The following ADAM12 variants were observed in gnomAD, a reference collection of about 807,000 sequenced individuals.
The protein encoded by ADAM12 is disintegrin and metalloproteinase domain-containing protein 12.
A neutral mutation model predicts 106.4 loss-of-function variants in ADAM12; 70 were observed. That is an observed-to-expected ratio of 0.66 (90% CI 0.54 to 0.80). The LOEUF (loss-of-function observed/expected upper bound fraction) is 0.80, where lower values mean the gene tolerates loss of function less well. ADAM12 is among the 30% of genes least tolerant of loss of function. The pLI, the probability that ADAM12 is intolerant of heterozygous loss-of-function variation, is 0.00. For synonymous variants in ADAM12, 420 were observed against 433.5 expected, an observed-to-expected ratio of 0.97 and a Z score of 0.39; for missense variants, 1,010 against 1,171.9, an observed-to-expected ratio of 0.86 and a Z score of 2.02.
intron 1 of ADAM12, among the ~76,000 whole-genome samples, chr10:126,357,228 T>C (rs983116549): frequency 2.6e-5 from 4 of 152,012 alleles, no homozygotes; most frequent in Non-Finnish European, 5.9e-5. Context: ...AAATACTTTA[T>C]ATACAAAGAA....
At position 126,023,675 on chromosome 10, in the gene ADAM12, C is replaced by G. The variant is rs1953812877; in HGVS notation, c.2530-3850G>C. Among the ~76,000 whole-genome samples, 3 of 152,238 alleles carry G rather than the reference C, an allele frequency of 2.0e-5. No individual in the cohort carries two copies. The South Asian group carries it at 6.2e-4, about 31-fold the overall frequency. ...CCAGGATACTACAAGGAGCATTCTT[C>G]TGGTGCTGGACAGACCGAGGGAGAA... On this transcript the variant is annotated intron_variant, in intron 21 of 22. Coordinates refer to ENST00000448723, the MANE Select transcript of ADAM12 (RefSeq NM_001288973.2).
intron 3 of ADAM12, among the ~76,000 whole-genome samples, chr10:126,277,446 C>A (rs1252130460): frequency 6.6e-6 from 1 of 152,038 alleles, no homozygotes; most frequent in African/African-American, 2.4e-5. Flanking sequence ...CCACAACAAC[C>A]CCATCGAGAA....
chr10:126,074,691 C>T (rs1429158588), intron 11 of ADAM12, among the ~76,000 whole-genome samples: 1 of 152,182 alleles, frequency 6.6e-6, no homozygotes, highest in African/African-American at 2.4e-5. Context: ...ATCATGCATA[C>T]ATAAATGGTC....
intron 3 of ADAM12, among the ~76,000 whole-genome samples, chr10:126,241,940 G>T (rs887376887): frequency 1.3e-4 from 19 of 151,614 alleles, no homozygotes; most frequent in African/African-American, 4.4e-4. Context: ...AGAGCTAGTG[G>T]GGTACACTTT....
At position 126,109,817 on chromosome 10, in the gene ADAM12, T is replaced by G. The variant is rs758303584; in HGVS notation, c.627A>C (p.Ala209=). Residue 209 remains alanine (A), a synonymous_variant, in exon 7 of 23, where the codon GCA becomes GCC. Coordinates refer to ENST00000448723, the MANE Select transcript of ADAM12 (RefSeq NM_001288973.2). ...ARRHKRETLK[A]TKYVELVIVA... is the part of the protein sequence containing the mutation. ...CGATCACCAGCTCCACATACTTAGTTGCCTTGAGGGTCTCTCTTTTATGCT... is the reference window on the plus strand; with the variant it reads ...CGATCACCAGCTCCACATACTTAGTGGCCTTGAGGGTCTCTCTTTTATGCT... 1.4e-5 allele frequency: 22 copies of G among 1,613,102 alleles called. No individual in the cohort carries two copies. Among genetic ancestry groups the G allele is most frequent in the Non-Finnish European group, 1.8e-5 (21 of 1,179,830 alleles).
intron 2 of ADAM12, among the ~76,000 whole-genome samples, chr10:126,310,525 G>A (rs989800429): frequency 1.3e-5 from 2 of 152,178 alleles, no homozygotes; most frequent in East Asian, 1.9e-4. Flanking sequence ...GAACCAGGCT[G>A]CAATAGTTAC....
chr10:126,335,338 G>GA (rs1212633606), intron 1 of ADAM12, among the ~76,000 whole-genome samples: 2 of 152,190 alleles, frequency 1.3e-5, no homozygotes, highest in Non-Finnish European at 2.9e-5. Flanking sequence ...TTAAAATGGA[G>GA]AATCAATCTG....
At chr10:126,019,551 T>A in intron 22 of ADAM12, 144 bp downstream of exon 22, 1 of 1,085,736 alleles carries the variant, frequency 9.2e-7, no homozygotes, top group Non-Finnish European at 1.3e-6. Flanking sequence ...GTAATTGTCA[T>A]GTCTATTTTA....
rs867730527 is a variant in ADAM12, at chr10:126,217,991, G to A, written c.260+60924C>T. On this transcript the variant is annotated intron_variant, in intron 3 of 22. Coordinates refer to ENST00000448723, the MANE Select transcript of ADAM12 (RefSeq NM_001288973.2). ...CTCTGTCTCTCAAAAAAAAAAAAAA[G>A]ATTACACTATTTTCTAATTGGAAAT... is the stretch of plus-strand genomic sequence containing the variant. Among the ~76,000 whole-genome samples the A allele has an allele frequency of 6.2e-4, 93 of 150,258 alleles. 2 individuals are homozygous for A. Among genetic ancestry groups the A allele is most frequent in the Admixed American group, 2.9e-3 (43 of 15,004 alleles).
intron 4 of ADAM12, among the ~76,000 whole-genome samples, chr10:126,139,203 T>C (rs1011772629): frequency 2.0e-5 from 3 of 152,218 alleles, no homozygotes; most frequent in Middle Eastern, 3.2e-3. Context: ...TGCCTATTCA[T>C]GTACATGGCA....
At chr10:126,342,386 C>T (rs895254896) in intron 1 of ADAM12, among the ~76,000 whole-genome samples, 14 of 152,200 alleles carry the variant, frequency 9.2e-5, no homozygotes, top group African/African-American at 3.4e-4. Context: ...ACTATTACAA[C>T]TTAGAATTAG....
chr10:126,337,060 A>G (rs1046553541), intron 1 of ADAM12, among the ~76,000 whole-genome samples: 1 of 152,202 alleles, frequency 6.6e-6, no homozygotes, highest in African/African-American at 2.4e-5. Flanking sequence ...AACCAACAGA[A>G]TATGTGTATA....
intron 3 of ADAM12, among the ~76,000 whole-genome samples, chr10:126,198,055 G>A (rs112675454): frequency 6.0e-4 from 91 of 152,330 alleles, no homozygotes; most frequent in African/African-American, 2.0e-3. Context: ...CCTAAGAAGC[G>A]TGAAGATGCA....
At chr10:126,158,758 G>T (rs1028354699) in intron 3 of ADAM12, among the ~76,000 whole-genome samples, 1 of 144,430 alleles carries the variant, frequency 6.9e-6, no homozygotes, top group African/African-American at 2.6e-5. Context: ...GATGCACAGA[G>T]CACGGGTGGG....
At chr10:126,065,277 T>C (rs1030464487) in intron 13 of ADAM12, among the ~76,000 whole-genome samples, 2 of 152,188 alleles carry the variant, frequency 1.3e-5, no homozygotes, top group African/African-American at 4.8e-5. Flanking sequence ...ACAAGCTGGC[T>C]GCTGGCACTT....
At position 126,318,193 on chromosome 10, in the gene ADAM12, G is replaced by T. The variant is rs368889393; in HGVS notation, c.186+12219C>A. 2.0e-5 allele frequency among the ~76,000 whole-genome samples: 3 copies of T among 152,096 alleles called. No individual in the cohort carries two copies. The South Asian group carries it at 6.2e-4, about 32-fold the overall frequency. ...TTGCAGTGCCAGAAAGGAAGGAAGT[G>T]CTAGAACACACACACACACTCAACA... On this transcript the variant is annotated intron_variant, in intron 2 of 22. Transcript: ENST00000448723.
chr10:126,175,384 C>T (rs1957201462), intron 3 of ADAM12, among the ~76,000 whole-genome samples: 1 of 152,146 alleles, frequency 6.6e-6, no homozygotes, highest in Non-Finnish European at 1.5e-5. Context: ...ATAACAATAA[C>T]AATTGCTCGG....
rs576777753 is a variant in ADAM12 at position 126,048,411 on chromosome 10, C to T, written c.1917+842G>A. On this transcript the variant is annotated intron_variant, in intron 16 of 22. Transcript: ENST00000448723. ...CAGAATGTATAAGAAGATTCATGTA[C>T]GATCCTATTTCTCAAGGAAAAAGGA... Among the ~76,000 whole-genome samples the T allele has an allele frequency of 7.2e-5, 11 of 152,196 alleles. No individual in the cohort carries two copies. The South Asian group carries it at 2.1e-3, about 29-fold the overall frequency.
intron 3 of ADAM12, among the ~76,000 whole-genome samples, chr10:126,238,566 C>A (rs1409142599): frequency 2.6e-5 from 4 of 152,132 alleles, no homozygotes; most frequent in South Asian, 4.1e-4. Flanking sequence ...ATTTTACTAT[C>A]TATATGCATC....
Sources: allele counts gnomAD v4.1 joint callset (sites outside exome capture counted in the v4.1 genomes callset), GRCh38; gene constraint gnomAD v4.1.1; transcripts MANE v1.5; gene names NCBI Gene and HGNC (gene_info 2026-07-23, HGNC 2026-07-21).